Variants in IGSF11 observed in about 807,000 individuals in gnomAD.
IGSF11 encodes the protein immunoglobulin superfamily member 11, also known as CXADR like 1.
In IGSF11, 22 loss-of-function variants were observed where a neutral mutation model predicts 41.0. The observed-to-expected ratio is 0.54, with a 90% confidence interval of 0.38 to 0.77. The LOEUF (loss-of-function observed/expected upper bound fraction) is 0.77. Among genes scored for constraint, IGSF11 ranks in the 30% least tolerant of loss-of-function variants. The pLI, the probability that IGSF11 is intolerant of heterozygous loss-of-function variation, is 0.00. For synonymous variants in IGSF11, 219 were observed against 201.3 expected, an observed-to-expected ratio of 1.09 and a Z score of -0.74; for missense variants, 444 against 530.8, an observed-to-expected ratio of 0.84 and a Z score of 1.61.
intron 1 of IGSF11, among the ~76,000 whole-genome samples, chr3:119,061,778 G>GTTT (rs11394485): frequency 4.0e-5 from 6 of 149,636 alleles, no homozygotes; most frequent in Admixed American, 6.7e-5. Context: ...TTTAACTATA[G>GTTT]TTTTTTTTTT....
At chr3:119,007,419 G>A (rs370697676) in intron 1 of IGSF11, among the ~76,000 whole-genome samples, 32 of 151,438 alleles carry the variant, frequency 2.1e-4, no homozygotes, top group African/African-American at 6.1e-4. Flanking sequence ...GAAATCACCC[G>A]TCTTCTGCGT....
At chr3:119,135,107 C>T (rs1179397116) in intron 1 of IGSF11, among the ~76,000 whole-genome samples, 1 of 152,132 alleles carries the variant, frequency 6.6e-6, no homozygotes, top group African/African-American at 2.4e-5. Flanking sequence ...ACCATAAAAA[C>T]CCTAGAAGAA....
intron 1 of IGSF11, among the ~76,000 whole-genome samples, chr3:119,144,724 G>T (rs1338500501): frequency 6.6e-6 from 1 of 152,140 alleles, no homozygotes; most frequent in Non-Finnish European, 1.5e-5. Flanking sequence ...TCATCATTTT[G>T]TAAAATATAT....
intron 1 of IGSF11, among the ~76,000 whole-genome samples, chr3:119,126,379 G>T (rs1017762606): frequency 1.3e-5 from 2 of 152,196 alleles, no homozygotes; most frequent in African/African-American, 4.8e-5. Flanking sequence ...ATCTCCCTGG[G>T]CCTGAGCCCC....
At chr3:119,070,991 A>G (rs753355546) in intron 1 of IGSF11, among the ~76,000 whole-genome samples, 16 of 152,224 alleles carry the variant, frequency 1.1e-4, no homozygotes, top group Non-Finnish European at 1.5e-5. Context: ...TAGAGAACAG[A>G]ATACCCATAT....
At chr3:118,964,948 T>C (rs1253009961) in intron 1 of IGSF11, among the ~76,000 whole-genome samples, 1 of 152,148 alleles carries the variant, frequency 6.6e-6, no homozygotes. Flanking sequence ...TTCATAATTG[T>C]CTTTAAATTT....
chr3:119,103,057 G>A (rs898080744), intron 1 of IGSF11, among the ~76,000 whole-genome samples: 1 of 146,616 alleles, frequency 6.8e-6, no homozygotes, highest in East Asian at 2.0e-4. Context: ...GAATGCAATG[G>A]CGCAATCTCA....
intron 1 of IGSF11, among the ~76,000 whole-genome samples, chr3:118,969,624 G>C (rs988402065): frequency 1.3e-5 from 2 of 152,126 alleles, no homozygotes; most frequent in African/African-American, 2.4e-5. Context: ...AAAAACTCAG[G>C]TGTGCAAGCA....
chr3:118,939,443 G>C (rs2107553558), intron 1 of IGSF11, among the ~76,000 whole-genome samples: 1 of 152,218 alleles, frequency 6.6e-6, no homozygotes, highest in South Asian at 2.1e-4. Context: ...GGGTATGGTG[G>C]CATATGCCTG....
intron 1 of IGSF11, among the ~76,000 whole-genome samples, chr3:119,002,084 AC>A (rs1936954983): frequency 7.6e-6 from 1 of 130,976 alleles, no homozygotes; most frequent in South Asian, 2.8e-4. Context: ...TTACAGTCCC[AC>A]CAACAGTGTA....
chr3:119,127,672 C>T (rs1392085442), intron 1 of IGSF11, among the ~76,000 whole-genome samples: 2 of 152,156 alleles, frequency 1.3e-5, no homozygotes, highest in Non-Finnish European at 2.9e-5. Flanking sequence ...AGGTCACCTA[C>T]AAAGGGAAGC....
intron 1 of IGSF11, among the ~76,000 whole-genome samples, chr3:119,047,039 A>T (rs1371288268): frequency 2.7e-5 from 4 of 148,112 alleles, no homozygotes; most frequent in African/African-American, 9.9e-5. Flanking sequence ...CCGCTGCAAA[A>T]TCATGCCAAA....
intron 1 of IGSF11, among the ~76,000 whole-genome samples, chr3:118,967,365 T>G (rs1027873909): frequency 6.6e-6 from 1 of 152,210 alleles, no homozygotes; most frequent in African/African-American, 2.4e-5. Flanking sequence ...CTATTACGAT[T>G]TAGATATAAC....
chr3:119,009,071 T>TTC (rs1329587746), intron 1 of IGSF11, among the ~76,000 whole-genome samples: 1 of 151,962 alleles, frequency 6.6e-6, no homozygotes. Context: ...CACACACACA[T>TTC]ACACACACAC....
intron 5 of IGSF11, among the ~76,000 whole-genome samples, chr3:118,905,278 A>C (rs1939444937): frequency 1.3e-5 from 2 of 152,178 alleles, no homozygotes; most frequent in Admixed American, 6.5e-5. Context: ...AACAAGGAAA[A>C]AACACAAGAA....
chr3:118,910,493 T>C (rs1198735216), intron 4 of IGSF11, among the ~76,000 whole-genome samples: 1 of 152,194 alleles, frequency 6.6e-6, no homozygotes, highest in Non-Finnish European at 1.5e-5. Context: ...CAGGTCCTTG[T>C]CATTTCTTGA....
At chr3:119,026,332 A>C (rs1939824204) in intron 1 of IGSF11, among the ~76,000 whole-genome samples, 1 of 152,250 alleles carries the variant, frequency 6.6e-6, no homozygotes, top group Admixed American at 6.5e-5. Flanking sequence ...TTTCAAAAAA[A>C]AGAGAATCTA....
chr3:118,903,044 T>C (rs1939110793), intron 6 of IGSF11, 83 bp from the exon 7 acceptor site: 2 of 1,335,094 alleles, frequency 1.5e-6, no homozygotes, highest in Non-Finnish European at 2.1e-6. Flanking sequence ...TCTTTTCATG[T>C]CAGGGCTTAT....
At chr3:119,121,084 T>C (rs2107529705) in intron 1 of IGSF11, among the ~76,000 whole-genome samples, 1 of 152,102 alleles carries the variant, frequency 6.6e-6, no homozygotes, top group African/African-American at 2.4e-5. Flanking sequence ...CCTTAGGGGA[T>C]AGAAGAATCT....
Sources: gnomAD v4.1 joint callset for allele counts (sites outside exome capture counted in the v4.1 genomes callset) on GRCh38, gnomAD v4.1.1 for gene constraint, MANE v1.5 for transcripts, NCBI Gene and HGNC (gene_info 2026-07-23, HGNC 2026-07-21) for gene names.